Variants in ATP1B2 observed in about 807,000 individuals in gnomAD.
ATP1B2 encodes sodium/potassium-transporting ATPase subunit beta-2.
A neutral mutation model predicts 37.3 loss-of-function variants in ATP1B2; 12 were observed. That is an observed-to-expected ratio of 0.32 (90% CI 0.21 to 0.52). The LOEUF is 0.52. Among genes scored for constraint, ATP1B2 ranks in the 20% least tolerant of loss-of-function variants. The probability of loss-of-function intolerance (pLI) is 0.96; values close to 1 mark genes in which losing one functional copy is unlikely to be tolerated. For missense variants in ATP1B2, 324 were observed against 391.6 expected (o/e 0.83, Z 1.46); for synonymous variants, 139 against 140.5 (o/e 0.99, Z 0.07).
At position 7,654,058 on chromosome 17, in the gene ATP1B2, A is replaced by G. The variant is rs1002930865; in HGVS notation, c.353A>G (p.Asn118Ser). ...QKLNKFLEPY[N>S]DSIQAQKNDV... ...CTCCCTCCCACCTCTTTAGCTTACA[A>G]CGACTCTATCCAAGCCCAAAAGAAT... Residue 118 changes from asparagine to serine, a missense_variant, in exon 4 of 7, where the codon AAC becomes AGC. By Grantham distance (46) the Asn-to-Ser change is conservative (BLOSUM62 1). Transcript: ENST00000250111. The surrounding 1 kb of genome is among the most constrained non-coding windows in gnomAD (Gnocchi z 4.9). The G allele has an allele frequency of 6.2e-7, 1 of 1,614,082 alleles. No homozygotes were observed. The highest frequency in any genetic ancestry group is 1.3e-5 in the African/African-American group (1 of 74,990).
At chr17:7,653,643 A>G (rs1388724060) in intron 2 of ATP1B2, 141 bp downstream of exon 2, 30 of 1,416,898 alleles carry the variant, frequency 2.1e-5, no homozygotes, top group Non-Finnish European at 1.5e-5. Context: ...AAATCTGTCC[A>G]CCTTCCCATT....
rs779294665 is a variant in ATP1B2 at position 7,654,094 on chromosome 17, G to A, written c.389G>A (p.Arg130His). 9 of 1,614,010 alleles carry A rather than the reference G, an allele frequency of 5.6e-6. No homozygotes were observed. Among genetic ancestry groups the A allele is most frequent in the South Asian group, 2.2e-5 (2 of 91,086 alleles). Residue 130 changes from arginine to histidine, a missense_variant, in exon 4 of 7, where the codon CGC becomes CAC. Transcript: ENST00000250111. This position sits in a 1 kb window ranked among gnomAD's most constrained non-coding sequence, Gnocchi z 4.9. The part of the protein sequence containing the change: ...SIQAQKNDVC[R>H]PGRYYEQPDN... ...CAAGCCCAAAAGAATGATGTCTGCCGCCCTGGACGCTATTACGAACAGCCA... is the reference window on the plus strand; with the variant it reads ...CAAGCCCAAAAGAATGATGTCTGCCACCCTGGACGCTATTACGAACAGCCA...
chr17:7,647,309 G>A (rs1188375526), upstream of ATP1B2, among the ~76,000 whole-genome samples: 2 of 152,096 alleles, frequency 1.3e-5, no homozygotes, highest in African/African-American at 4.8e-5. Flanking sequence ...GAAGGAAAGG[G>A]AAGGCTGAGG....
Position 7,653,518 on chromosome 17 carries a change from C to T in ATP1B2, c.241+16C>T, listed in dbSNP as rs772280682. 4 of 1,613,472 alleles carry T rather than the reference C, an allele frequency of 2.5e-6. No individual in the cohort carries two copies. The highest frequency in any genetic ancestry group is 3.4e-6 in the Non-Finnish European group (4 of 1,179,724). On this transcript the variant is annotated intron_variant, in intron 2 of 6. Coordinates refer to ENST00000250111, the MANE Select transcript of ATP1B2 (RefSeq NM_001678.5). ...GCCACACCGGGTGAGTGTGGAGGCT[C>T]CCCCTGCCAGCTACTCTAACTGCTC...
chr17:7,654,529 C>G lies in ATP1B2; in HGVS notation c.553-99C>G, dbSNP rs138128532. 3.0e-4 allele frequency: 392 copies of G among 1,319,662 alleles called. 4 individuals carry two copies. In the African/African-American group the frequency reaches 5.1e-3, roughly 17 times the overall value. The allele number at this position is 1,319,662 out of a possible 1,614,324, so 81.7% of individuals were successfully genotyped here. ...AAGCTATCCTCCCGCCTCAACCTCC[C>G]TAGTAGTTGGGACTACAGTCCCCGG... is the stretch of plus-strand genomic sequence containing the variant. On this transcript the variant is annotated intron_variant, in intron 4 of 6. Transcript: ENST00000250111. This position sits in a 1 kb window ranked among gnomAD's most constrained non-coding sequence, Gnocchi z 4.9.
chr17:7,650,338 G>C (rs1262286857), upstream of ATP1B2, among the ~76,000 whole-genome samples: 2 of 152,172 alleles, frequency 1.3e-5, no homozygotes, highest in Admixed American at 6.5e-5. Context: ...AGAGCCAGGT[G>C]GTGTGGACAG....
chr17:7,653,886 A>G lies in ATP1B2; in HGVS notation c.287A>G (p.Asn96Ser), dbSNP rs909781809. ...PKTENLDVIVNVSDTESWDQH... is the reference protein window; with the variant it reads ...PKTENLDVIVSVSDTESWDQH... The stretch of plus-strand genomic sequence containing the variant: ...ACTGAGAACCTTGATGTCATTGTCA[A>G]TGTCAGTGACACTGAAAGCTGGGAC... The change falls in exon 3 of 7, where the codon AAT becomes AGT. Residue 96 changes from asparagine to serine, a missense_variant. Asn to Ser is a conservative substitution (Grantham distance 46). Coordinates refer to ENST00000250111, the MANE Select transcript of ATP1B2 (RefSeq NM_001678.5). The G allele has an allele frequency of 6.2e-6, 10 of 1,614,058 alleles. No individual in the cohort carries two copies. The highest frequency in any genetic ancestry group is 3.3e-5 in the Admixed American group (2 of 59,990).
Position 7,651,229 on chromosome 17 carries a change from G to T in ATP1B2, c.-290G>T. 2.5e-6 allele frequency: 1 copy of T among 392,922 alleles called. No homozygotes were observed. The highest frequency in any genetic ancestry group is 4.7e-6 in the Non-Finnish European group (1 of 212,340). The allele number at this position is 392,922 out of a possible 1,614,324, so 24.3% of individuals were successfully genotyped here. ...TCTAGACGGTTTGGTGGGGGGTGAA[G>T]CTGCATTCATACCCCTTCCTCTTGT... On this transcript the variant is annotated 5_prime_UTR_variant, in exon 1 of 7. Transcript: ENST00000250111.
In ATP1B2 at chr17:7,656,261, C is replaced by G; in HGVS notation, c.*366C>G. 3.8e-6 allele frequency: 1 copy of G among 266,468 alleles called. No individual in the cohort carries two copies. Among genetic ancestry groups the G allele is most frequent in the Non-Finnish European group, 7.3e-6 (1 of 137,566 alleles). The allele number at this position is 266,468 out of a possible 1,614,324, so 16.5% of individuals were successfully genotyped here. A position where few individuals can be genotyped will look rare whatever the true frequency, so the allele number is the denominator to read the frequency against. On this transcript the variant is annotated 3_prime_UTR_variant, in exon 7 of 7. Coordinates refer to ENST00000250111, the MANE Select transcript of ATP1B2 (RefSeq NM_001678.5). ...ACTGACCCACCCACCCACCTACACC[C>G]CCCGCCACACACACACACAAACGTG... is the stretch of plus-strand genomic sequence containing the variant.
At position 7,651,638 on chromosome 17, in the gene ATP1B2, G is replaced by A. The variant is rs754289094; in HGVS notation, c.112+8G>A. On this transcript the variant is annotated splice_region_variant and intron_variant, in intron 1 of 6. Coordinates refer to ENST00000250111, the MANE Select transcript of ATP1B2 (RefSeq NM_001678.5). ...GCACCGGGACCAGCTGGGGTACGCA[G>A]GGCCGGCACGCAAGGGGCGGGGGAA... The A allele has an allele frequency of 7.6e-6, 12 of 1,586,044 alleles. No individual in the cohort carries two copies. The highest frequency in any genetic ancestry group is 3.6e-5 in the Admixed American group (2 of 56,254).
rs1031509385 is a variant in ATP1B2 at position 7,654,368 on chromosome 17, T to G, written c.552+111T>G. On this transcript the variant is annotated intron_variant, in intron 4 of 6. Transcript: ENST00000250111. The surrounding 1 kb of genome is among the most constrained non-coding windows in gnomAD (Gnocchi z 4.9). ...AATGGGCATGAGAAAGACTTGGATG[T>G]TTGTGTAGCTGAGAGAAAAAGAGAG... The G allele has an allele frequency of 1.1e-5, 14 of 1,301,888 alleles. No homozygotes were observed. The African/African-American group carries it at 2.0e-4, about 19-fold the overall frequency. The allele number at this position is 1,301,888 out of a possible 1,614,324, so 80.6% of individuals were successfully genotyped here. A position where few individuals can be genotyped will look rare whatever the true frequency, so the allele number is the denominator to read the frequency against.
In ATP1B2 at chr17:7,651,662, A is replaced by G. The variant is rs28729777; in HGVS notation, c.112+32A>G. 12,928 of 1,550,680 alleles carry G rather than the reference A, an allele frequency of 8.3e-3. 857 individuals carry two copies. In the African/African-American group the frequency reaches 0.15, roughly 18 times the overall value. On this transcript the variant is annotated intron_variant, in intron 1 of 6. Transcript: ENST00000250111. ...AGGGCCGGCACGCAAGGGGCGGGGG[A>G]AAGCCGCGGGGCGACGCCTCGGGGG...
chr17:7,652,348 G>T (rs1049410039), intron 1 of ATP1B2, among the ~76,000 whole-genome samples: 1 of 152,036 alleles, frequency 6.6e-6, no homozygotes, highest in Non-Finnish European at 1.5e-5. Context: ...TCGGGGGTTG[G>T]GGGGGTGGAG....
Position 7,655,614 on chromosome 17 carries a change from A to C in ATP1B2, c.697A>C (p.Lys233Gln). 6.2e-7 allele frequency: 1 copy of C among 1,614,108 alleles called. No homozygotes were observed. Among genetic ancestry groups the C allele is most frequent in the Non-Finnish European group, 8.5e-7 (1 of 1,180,014 alleles). The change falls in exon 6 of 7, where the codon AAA (lysine) becomes CAA (glutamine). Residue 233 changes from lysine (K) to glutamine (Q), a missense_variant. Transcript: ENST00000250111. The surrounding 1 kb of genome is among the most constrained non-coding windows in gnomAD (Gnocchi z 4.4). The part of the protein sequence containing the change: ...IDLMYFPYYG[K>Q]KFHVNYTQPL... Reference sequence around the variant, plus strand: ...CCTCATGTACTTCCCCTACTATGGCAAAAAGTTCCACGTAAGTCCCAGGGG... The same window carrying C: ...CCTCATGTACTTCCCCTACTATGGCCAAAAGTTCCACGTAAGTCCCAGGGG...
rs576873765 is a variant in ATP1B2 at position 7,654,554 on chromosome 17, G to T, written c.553-74G>T. ...CTAGTAGTTGGGACTACAGTCCCCGGCTTAGCTTGGTCTGGATGCCCATCT... is the reference window on the plus strand; with the variant it reads ...CTAGTAGTTGGGACTACAGTCCCCGTCTTAGCTTGGTCTGGATGCCCATCT... On this transcript the variant is annotated intron_variant, in intron 4 of 6. Transcript: ENST00000250111. The surrounding 1 kb of genome is among the most constrained non-coding windows in gnomAD (Gnocchi z 4.9). 4 of 1,512,844 alleles carry T rather than the reference G, an allele frequency of 2.6e-6. No homozygotes were observed. The South Asian group carries it at 4.5e-5, about 17-fold the overall frequency. 93.7% of individuals were successfully genotyped at this position (1,512,844 alleles called of 1,614,324 possible).
At position 7,654,192 on chromosome 17, in the gene ATP1B2, A is replaced by G. The variant is rs2072634278; in HGVS notation, c.487A>G (p.Ile163Val). ...NRTQLGNCSG[I>V]GDSTHYGYST... ...GACCCAGCTGGGCAACTGCTCCGGC[A>G]TTGGGGACTCCACCCACTATGGTTA... Residue 163 changes from isoleucine (I) to valine (V), a missense_variant, in exon 4 of 7, where the codon ATT becomes GTT. By Grantham distance (29) the Ile-to-Val change is conservative. Coordinates refer to ENST00000250111, the MANE Select transcript of ATP1B2 (RefSeq NM_001678.5). This position sits in a 1 kb window ranked among gnomAD's most constrained non-coding sequence, Gnocchi z 4.9. 1.2e-6 allele frequency: 2 copies of G among 1,614,050 alleles called. No homozygotes were observed. Among genetic ancestry groups the G allele is most frequent in the Non-Finnish European group, 1.7e-6 (2 of 1,180,040 alleles).
Position 7,651,567 on chromosome 17 carries a change from T to G in ATP1B2, c.49T>G (p.Trp17Gly). Residue 17 changes from tryptophan (W) to glycine (G), a missense_variant, in exon 1 of 7, where the codon TGG becomes GGG. By Grantham distance (184) the Trp-to-Gly change is radical. Coordinates refer to ENST00000250111, the MANE Select transcript of ATP1B2 (RefSeq NM_001678.5). The stretch of plus-strand genomic sequence containing the variant: ...GAGCTGCGGGCAGGTGGTTGAGGAG[T>G]GGAAGGAGTTCGTGTGGAACCCGAG... ...KKSCGQVVEE[W>G]KEFVWNPRTH... 6.2e-7 allele frequency: 1 copy of G among 1,606,240 alleles called. No homozygotes were observed. The highest frequency in any genetic ancestry group is 1.1e-5 in the South Asian group (1 of 89,932).
At position 7,651,454 on chromosome 17, in the gene ATP1B2, C is replaced by T. The variant is rs1642762; in HGVS notation, c.-65C>T. 0.53 allele frequency: 764,828 copies of T among 1,438,668 alleles called. 211,846 individuals carry two copies. The highest frequency in any genetic ancestry group is 0.6 in the Admixed American group (30,108 of 50,596). 89.1% of individuals were successfully genotyped at this position (1,438,668 alleles called of 1,614,324 possible). A position where few individuals can be genotyped will look rare whatever the true frequency, so the allele number is the denominator to read the frequency against. On this transcript the variant is annotated 5_prime_UTR_variant, in exon 1 of 7. Coordinates refer to ENST00000250111, the MANE Select transcript of ATP1B2 (RefSeq NM_001678.5). ...CTTTTGGGTGTGTGGAGGGCTTCAG[C>T]GCGCGGCGCCCCCGCTTCTCCGCAA... is the stretch of plus-strand genomic sequence containing the variant.
chr17:7,654,370 T>C lies in ATP1B2; in HGVS notation c.552+113T>C. On this transcript the variant is annotated intron_variant, in intron 4 of 6. Transcript: ENST00000250111. The surrounding 1 kb of genome is among the most constrained non-coding windows in gnomAD (Gnocchi z 4.9). ...TGGGCATGAGAAAGACTTGGATGTT[T>C]GTGTAGCTGAGAGAAAAAGAGAGGT... The C allele has an allele frequency of 7.7e-7, 1 of 1,297,944 alleles. No homozygotes were observed. Among genetic ancestry groups the C allele is most frequent in the Non-Finnish European group, 1.1e-6 (1 of 921,068 alleles). The allele number at this position is 1,297,944 out of a possible 1,614,324, so 80.4% of individuals were successfully genotyped here.
Sources: gnomAD v4.1 joint callset for allele counts (sites outside exome capture counted in the v4.1 genomes callset) on GRCh38, gnomAD v4.1.1 for gene constraint, Gnocchi (gnomAD v3.1) non-coding constraint, MANE v1.5 for transcripts, NCBI Gene and HGNC (gene_info 2026-07-23, HGNC 2026-07-21) for gene names.